Variants in STK32A observed in about 807,000 individuals in gnomAD.
STK32A encodes the protein serine/threonine kinase 32A, also known as serine/threonine-protein kinase 32A.
In STK32A, 41 loss-of-function variants were observed where a neutral mutation model predicts 53.2. The observed-to-expected ratio is 0.77, with a 90% CI of 0.60 to 1.00. The LOEUF is 1.00. Among genes scored for constraint, STK32A ranks in the 50% least tolerant of loss-of-function variants. The pLI is 0.00. For synonymous variants in STK32A, 166 were observed against 162.8 expected (o/e 1.02, Z -0.15); for missense variants, 458 against 485.8 (o/e 0.94, Z 0.54).
At chr5:147,326,213 C>G (rs185671988) in intron 5 of STK32A, among the ~76,000 whole-genome samples, 2 of 152,238 alleles carry the variant, frequency 1.3e-5, no homozygotes, top group Non-Finnish European at 2.9e-5. Flanking sequence ...CATCATTTTG[C>G]CACTTAAATC....
At chr5:147,280,410 G>A (rs1387263908) in intron 4 of STK32A, among the ~76,000 whole-genome samples, 2 of 151,028 alleles carry the variant, frequency 1.3e-5, no homozygotes, top group African/African-American at 4.9e-5. Flanking sequence ...CTGTGTTGGC[G>A]GGGGAGGGGG....
chr5:147,275,852 T>A (rs1021609579), intron 2 of STK32A, among the ~76,000 whole-genome samples: 1 of 152,134 alleles, frequency 6.6e-6, no homozygotes, highest in African/African-American at 2.4e-5. Flanking sequence ...TTTACCAGGA[T>A]CCTGACATGT....
chr5:147,253,926 T>G (rs1273992630), intron 2 of STK32A, among the ~76,000 whole-genome samples: 1 of 152,152 alleles, frequency 6.6e-6, no homozygotes, highest in East Asian at 1.9e-4. Context: ...AGGACAAAAA[T>G]AATTCACAGC....
intron 4 of STK32A, among the ~76,000 whole-genome samples, chr5:147,323,520 T>G (rs7701219): frequency 0.045 from 6,916 of 152,240 alleles, 506 homozygotes; most frequent in African/African-American, 0.15. Context: ...TAACTCATAT[T>G]TTATGGGCCT....
At chr5:147,371,801 T>C (rs1309774175) in intron 9 of STK32A, among the ~76,000 whole-genome samples, 3 of 152,160 alleles carry the variant, frequency 2.0e-5, no homozygotes, top group African/African-American at 7.2e-5. Flanking sequence ...CAATGCATAA[T>C]AAGACCACAT....
intron 2 of STK32A, among the ~76,000 whole-genome samples, chr5:147,260,159 C>G (rs1274132295): frequency 1.5e-5 from 1 of 66,742 alleles, no homozygotes. Flanking sequence ...TCTCTCTCCT[C>G]TCTGTCTCTC....
At chr5:147,348,684 T>G (rs766511359) in intron 6 of STK32A, 1 of 772,378 alleles carries the variant, frequency 1.3e-6, no homozygotes, top group Non-Finnish European at 2.4e-6. Flanking sequence ...AATTTGTTGT[T>G]TTTAATACAG....
chr5:147,400,423 G>A, the STK32A span, among the ~76,000 whole-genome samples: 21,930 of 152,168 alleles, frequency 0.14, 1,952 homozygotes, highest in South Asian at 0.32. Flanking sequence ...CAGGCTATTC[G>A]TACACTCAGA....
intron 6 of STK32A, 29 bp from the exon 7 acceptor site, chr5:147,351,036 C>A (rs1309620757): frequency 6.2e-7 from 1 of 1,602,882 alleles, no homozygotes; most frequent in Non-Finnish European, 8.5e-7. Context: ...TGGGACTTAA[C>A]TTTCTGTGTG....
At position 147,384,075 on chromosome 5, in the gene STK32A, C is replaced by T. The variant is rs1561761957; in HGVS notation, c.*92C>T. On this transcript the variant is annotated 3_prime_UTR_variant, in exon 13 of 13. Transcript: ENST00000397936. ...GCTGACAGTAGTTCTTGCCACTCCACACACCATGACTTAGAAAATGTGAAT... is the reference window on the plus strand; with the variant it reads ...GCTGACAGTAGTTCTTGCCACTCCATACACCATGACTTAGAAAATGTGAAT... 3 of 1,514,436 alleles carry T rather than the reference C, an allele frequency of 2.0e-6. No individual in the cohort carries two copies. The highest frequency in any genetic ancestry group is 1.8e-6 in the Non-Finnish European group (2 of 1,141,134). 93.8% of individuals were successfully genotyped at this position (1,514,436 alleles called of 1,614,324 possible).
At chr5:147,278,870 T>C (rs1422039161) in intron 3 of STK32A, among the ~76,000 whole-genome samples, 1 of 152,208 alleles carries the variant, frequency 6.6e-6, no homozygotes, top group East Asian at 1.9e-4. Context: ...ACAGAAATTC[T>C]TTGCACAGTA....
chr5:147,343,914 C>A (rs1488011134), intron 6 of STK32A, among the ~76,000 whole-genome samples: 2 of 152,164 alleles, frequency 1.3e-5, no homozygotes, highest in Admixed American at 1.3e-4. Flanking sequence ...TAAGTGAATG[C>A]TGAATTTCAA....
intron 2 of STK32A, among the ~76,000 whole-genome samples, chr5:147,275,400 T>A (rs1008740151): frequency 2.0e-5 from 3 of 151,944 alleles, no homozygotes; most frequent in African/African-American, 7.3e-5. Flanking sequence ...CAATCACAGA[T>A]AACTGCAGCC....
At chr5:147,273,854 C>G (rs1455957536) in intron 2 of STK32A, among the ~76,000 whole-genome samples, 1 of 152,112 alleles carries the variant, frequency 6.6e-6, no homozygotes, top group East Asian at 1.9e-4. Context: ...CTGGTTATAA[C>G]CATAACAAAT....
intron 4 of STK32A, among the ~76,000 whole-genome samples, chr5:147,302,784 C>T (rs1372303074): frequency 6.6e-6 from 1 of 152,112 alleles, no homozygotes; most frequent in Non-Finnish European, 1.5e-5. Context: ...TAACTTCCCC[C>T]TTGTCAAAAT....
intron 2 of STK32A, among the ~76,000 whole-genome samples, chr5:147,261,574 G>A (rs4705033): frequency 2.6e-5 from 4 of 151,900 alleles, no homozygotes; most frequent in African/African-American, 4.8e-5. Flanking sequence ...ATCAAAAAAG[G>A]TTGCTTTACG....
At chr5:147,356,423 A>G (rs1377928878) in intron 7 of STK32A, among the ~76,000 whole-genome samples, 1 of 152,178 alleles carries the variant, frequency 6.6e-6, no homozygotes, top group African/African-American at 2.4e-5. Flanking sequence ...TACTATTGTT[A>G]TAGTATATAT....
downstream of STK32A, chr5:147,392,271 T>TA: frequency 6.6e-6 from 1 of 152,326 alleles, no homozygotes; most frequent in East Asian, 1.9e-4. Context: ...TTCCCTATTC[T>TA]AAGGGGAAAT....
At chr5:147,375,979 T>A (rs1459222128) in intron 11 of STK32A, 1 of 152,144 alleles carries the variant, frequency 6.6e-6, no homozygotes, top group East Asian at 1.9e-4. Context: ...CCTCCCTCCA[T>A]CCATTCATTT....
Sources: gnomAD v4.1 joint callset for allele counts (sites outside exome capture counted in the v4.1 genomes callset) on GRCh38, gnomAD v4.1.1 for gene constraint, MANE v1.5 for transcripts, NCBI Gene and HGNC (gene_info 2026-07-23, HGNC 2026-07-21) for gene names.